CDH18: variants seen among roughly 807,000 people sequenced by gnomAD.
The protein encoded by CDH18 is cadherin-18.
In CDH18, 31 loss-of-function variants were observed where a neutral mutation model predicts 67.9. The observed-to-expected ratio is 0.46, with a 90% CI of 0.34 to 0.62. The LOEUF (loss-of-function observed/expected upper bound fraction) is 0.62, where lower values mean the gene tolerates loss of function less well. Among genes scored for constraint, CDH18 ranks in the 20% least tolerant of loss-of-function variants. The probability of loss-of-function intolerance (pLI) is 0.01; values close to 1 mark genes in which losing one functional copy is unlikely to be tolerated. For synonymous variants in CDH18, 362 were observed against 347.2 expected, an observed-to-expected ratio of 1.04 and a Z score of -0.48; for missense variants, 890 against 975.5, an observed-to-expected ratio of 0.91 and a Z score of 1.17.
intron 3 of CDH18, among the ~76,000 whole-genome samples, chr5:19,750,937 G>C (rs1770759664): frequency 6.6e-6 from 1 of 151,806 alleles, no homozygotes; most frequent in Admixed American, 6.6e-5. Context: ...ATAGTCTTTG[G>C]GTATCTCATC....
At chr5:20,115,567 T>TA (rs901958466) in intron 2 of CDH18, among the ~76,000 whole-genome samples, 5 of 151,880 alleles carry the variant, frequency 3.3e-5, no homozygotes, top group African/African-American at 1.2e-4. Flanking sequence ...GGACCTCACT[T>TA]AAACTAATTA....
chr5:19,644,496 A>T (rs571199615), intron 5 of CDH18, among the ~76,000 whole-genome samples: 1 of 152,294 alleles, frequency 6.6e-6, no homozygotes, highest in South Asian at 2.1e-4. Context: ...GAGCTAGCAA[A>T]GCAACAGTGA....
upstream of CDH18, among the ~76,000 whole-genome samples, chr5:19,991,473 TC>T (rs2150385490): frequency 6.6e-6 from 1 of 152,254 alleles, no homozygotes; most frequent in South Asian, 2.1e-4. Context: ...AAGAATAATA[TC>T]AAAATATGTG....
intron 3 of CDH18, among the ~76,000 whole-genome samples, chr5:19,809,093 A>G (rs1294148498): frequency 2.0e-5 from 3 of 152,180 alleles, no homozygotes; most frequent in Non-Finnish European, 4.4e-5. Context: ...GGCCATAAAA[A>G]TGGCAGACAA....
At chr5:19,553,125 A>G (rs950142711) in intron 8 of CDH18, among the ~76,000 whole-genome samples, 1 of 152,174 alleles carries the variant, frequency 6.6e-6, no homozygotes, top group Non-Finnish European at 1.5e-5. Context: ...TACTTTAAAC[A>G]AACCATGCAG....
chr5:19,585,078 A>G (rs1175866991), intron 7 of CDH18, among the ~76,000 whole-genome samples: 1 of 152,068 alleles, frequency 6.6e-6, no homozygotes, highest in Non-Finnish European at 1.5e-5. Flanking sequence ...ATCATCACTT[A>G]CCATTTACAG....
intron 8 of CDH18, among the ~76,000 whole-genome samples, chr5:19,547,443 T>C (rs1736530532): frequency 6.6e-6 from 1 of 152,186 alleles, no homozygotes; most frequent in Admixed American, 6.5e-5. Context: ...CTATGAAATA[T>C]GGCAGAGCAT....
chr5:19,618,709 C>T (rs930034388), intron 5 of CDH18, among the ~76,000 whole-genome samples: 5 of 152,064 alleles, frequency 3.3e-5, no homozygotes, highest in African/African-American at 1.2e-4. Flanking sequence ...GGCAGTGGGT[C>T]CCAGGCATAA....
At chr5:19,741,252 T>TAC (rs1769132339) in intron 4 of CDH18, among the ~76,000 whole-genome samples, 9 of 83,088 alleles carry the variant, frequency 1.1e-4, no homozygotes, top group Admixed American at 7.7e-4. Context: ...TATGTATGTA[T>TAC]ATATGTATAC....
rs181836611 is a variant in CDH18 at position 19,711,802 on chromosome 5, G to A, written c.643+9545C>T. ...CAAAATAGAACTACCATTTGATTCA[G>A]CAAACCCACTACTACTACTACCCAA... On this transcript the variant is annotated intron_variant, in intron 5 of 12. Transcript: ENST00000382275. Among the ~76,000 whole-genome samples, 431 of 152,040 alleles carry A rather than the reference G, an allele frequency of 2.8e-3. 1 individual carries two copies. Among genetic ancestry groups the A allele is most frequent in the African/African-American group, 9.9e-3 (413 of 41,512 alleles).
At chr5:19,760,687 C>T (rs1434304441) in intron 3 of CDH18, among the ~76,000 whole-genome samples, 1 of 152,172 alleles carries the variant, frequency 6.6e-6, no homozygotes, top group South Asian at 2.1e-4. Context: ...TCAAACAGTT[C>T]TTTTCAAGTG....
upstream of CDH18, among the ~76,000 whole-genome samples, chr5:19,990,355 A>G (rs376332263): frequency 6.1e-4 from 93 of 152,350 alleles, no homozygotes; most frequent in South Asian, 0.017. Flanking sequence ...GACACAAGCA[A>G]TGAGCATCTT....
intron 2 of CDH18, among the ~76,000 whole-genome samples, chr5:19,840,141 AC>A (rs902374514): frequency 5.9e-4 from 89 of 151,182 alleles, no homozygotes; most frequent in Non-Finnish European, 1.5e-4. Context: ...GGTGGCGGTC[AC>A]CTGTAGTCCC....
At chr5:20,526,419 T>C (rs1581152993) in intron 1 of CDH18, among the ~76,000 whole-genome samples, 2 of 152,078 alleles carry the variant, frequency 1.3e-5, no homozygotes, top group Non-Finnish European at 1.5e-5. Flanking sequence ...GCAGCCAGAC[T>C]CCATCCATAA....
At chr5:20,222,755 A>T (rs915084882) in intron 2 of CDH18, among the ~76,000 whole-genome samples, 3 of 152,088 alleles carry the variant, frequency 2.0e-5, no homozygotes, top group Non-Finnish European at 2.9e-5. Context: ...CTTAGCCTCC[A>T]GGTAAATTCC....
chr5:19,608,000 C>T (rs1748337778), intron 6 of CDH18, among the ~76,000 whole-genome samples: 1 of 151,256 alleles, frequency 6.6e-6, no homozygotes, highest in South Asian at 2.1e-4. Context: ...TGGTTTAAAA[C>T]TGCATCTAAG....
chr5:20,282,139 T>G (rs1026297518), intron 1 of CDH18, among the ~76,000 whole-genome samples: 2 of 152,186 alleles, frequency 1.3e-5, no homozygotes, highest in Non-Finnish European at 2.9e-5. Context: ...TTTCTAGATA[T>G]ACAATCATGT....
At chr5:20,192,517 T>A (rs1229029370) in intron 2 of CDH18, among the ~76,000 whole-genome samples, 1 of 152,182 alleles carries the variant, frequency 6.6e-6, no homozygotes, top group African/African-American at 2.4e-5. Flanking sequence ...CATCTTTACT[T>A]AATTTTTGAA....
chr5:19,927,884 C>G (rs1029910072), intron 2 of CDH18, among the ~76,000 whole-genome samples: 4 of 152,108 alleles, frequency 2.6e-5, no homozygotes, highest in African/African-American at 4.8e-5. Context: ...ATGGCATAAG[C>G]CTTTTCCAAA....
Sources: allele counts gnomAD v4.1 joint callset (sites outside exome capture counted in the v4.1 genomes callset), GRCh38; gene constraint gnomAD v4.1.1; transcripts MANE v1.5; gene names NCBI Gene and HGNC (gene_info 2026-07-23, HGNC 2026-07-21).